Variants in TASP1 observed in about 807,000 individuals in gnomAD.
The protein encoded by TASP1 is threonine aspartase 1.
In TASP1, 16 loss-of-function variants were observed where a neutral mutation model predicts 56.6. That is an observed-to-expected ratio of 0.28 (90% CI 0.19 to 0.43). The LOEUF (loss-of-function observed/expected upper bound fraction) is 0.43, where lower values mean the gene tolerates loss of function less well. TASP1 is among the 20% of genes least tolerant of loss of function. TASP1 has a pLI of 1.00. For synonymous variants in TASP1, 179 were observed against 184.2 expected, an observed-to-expected ratio of 0.97 and a Z score of 0.23; for missense variants, 393 against 511.6, an observed-to-expected ratio of 0.77 and a Z score of 2.24.
chr20:13,544,560 C>G (rs1266232693), intron 8 of TASP1, among the ~76,000 whole-genome samples: 6 of 152,126 alleles, frequency 3.9e-5, no homozygotes, highest in Non-Finnish European at 7.4e-5. Flanking sequence ...TACTAACATA[C>G]CGACTAATAG....
At chr20:13,285,314 G>GAAA in the TASP1 span, among the ~76,000 whole-genome samples, 1 of 150,416 alleles carries the variant, frequency 6.6e-6, no homozygotes. Context: ...AAAAAGAAAG[G>GAAA]AAAAAAAAAG....
chr20:13,183,955 G>A, the TASP1 span, among the ~76,000 whole-genome samples: 1 of 151,616 alleles, frequency 6.6e-6, no homozygotes, highest in East Asian at 1.9e-4. Context: ...TGTGAACCCA[G>A]GAGGCAGAGC....
chr20:13,276,532 GC>G, the TASP1 span, among the ~76,000 whole-genome samples: 6 of 152,184 alleles, frequency 3.9e-5, no homozygotes, highest in African/African-American at 1.4e-4. Flanking sequence ...TGAACTTGAG[GC>G]TTTTGAAAGA....
At chr20:13,625,142 G>A (rs770418793) in intron 3 of TASP1, 43 bp downstream of exon 3, 5 of 1,401,904 alleles carry the variant, frequency 3.6e-6, no homozygotes, top group Non-Finnish European at 4.8e-6. Flanking sequence ...ACTGCTTTCT[G>A]TTCAAAACTG....
the TASP1 span, among the ~76,000 whole-genome samples, chr20:13,118,460 C>CAAAAA: frequency 7.8e-6 from 1 of 127,634 alleles, no homozygotes; most frequent in African/African-American, 3.1e-5. Context: ...AAAAAAAAAA[C>CAAAAA]AAAAAAAAAC....
chr20:13,204,931 A>G, the TASP1 span, among the ~76,000 whole-genome samples: 3 of 152,200 alleles, frequency 2.0e-5, no homozygotes, highest in African/African-American at 7.2e-5. Context: ...GCATGGAAGC[A>G]CTGAGTCCCC....
chr20:13,542,060 A>AG (rs921859326), intron 8 of TASP1, among the ~76,000 whole-genome samples: 11 of 151,968 alleles, frequency 7.2e-5, no homozygotes, highest in Non-Finnish European at 1.6e-4. Context: ...AAAAAAAAAA[A>AG]AACTTAAAAA....
At chr20:13,366,228 G>A in the TASP1 span, among the ~76,000 whole-genome samples, 481 of 152,260 alleles carry the variant, frequency 3.2e-3, 2 homozygotes, top group South Asian at 8.3e-3. Flanking sequence ...TTTGGGAGGC[G>A]TGATATTTGA....
chr20:13,600,697 C>A (rs946897286), intron 4 of TASP1: 1 of 151,718 alleles, frequency 6.6e-6, no homozygotes, highest in African/African-American at 2.4e-5. Flanking sequence ...ATATATTATA[C>A]AAGAAAAAAT....
chr20:13,396,734 C>A (rs2041553292), intron 13 of TASP1, among the ~76,000 whole-genome samples: 1 of 152,142 alleles, frequency 6.6e-6, no homozygotes, highest in African/African-American at 2.4e-5. Flanking sequence ...GAAAGGAATG[C>A]CATATGTTAT....
chr20:13,457,570 A>G (rs745654238), intron 11 of TASP1, among the ~76,000 whole-genome samples: 2 of 152,158 alleles, frequency 1.3e-5, no homozygotes, highest in African/African-American at 4.8e-5. Context: ...ACATATAGAT[A>G]AACTCACAAC....
chr20:13,600,474 A>T (rs1335365705), intron 4 of TASP1: 1 of 152,314 alleles, frequency 6.6e-6, no homozygotes. Context: ...AGGCAATTCA[A>T]TGGAGAAAGA....
intron 10 of TASP1, among the ~76,000 whole-genome samples, chr20:13,506,194 C>T (rs6134896): frequency 0.2 from 30,374 of 151,770 alleles, 3,285 homozygotes; most frequent in Middle Eastern, 0.28. Context: ...AACATTGAAT[C>T]ATGAAGAAAA....
chr20:13,332,802 C>T, the TASP1 span, among the ~76,000 whole-genome samples: 2 of 152,312 alleles, frequency 1.3e-5, no homozygotes, highest in African/African-American at 2.4e-5. Context: ...TCATTCAATG[C>T]CATTTTCTTC....
intron 11 of TASP1, among the ~76,000 whole-genome samples, chr20:13,458,695 C>G (rs970803309): frequency 6.6e-6 from 1 of 152,120 alleles, no homozygotes; most frequent in Non-Finnish European, 1.5e-5. Flanking sequence ...GAATCATTCA[C>G]TTTCTTGACC....
chr20:13,603,535 C>T (rs756914494), intron 4 of TASP1, among the ~76,000 whole-genome samples: 16 of 150,260 alleles, frequency 1.1e-4, no homozygotes, highest in Non-Finnish European at 2.2e-4. Context: ...CAACAAGATC[C>T]TGTCTCAAAA....
intron 6 of TASP1, among the ~76,000 whole-genome samples, chr20:13,578,999 G>A (rs975576037): frequency 2.0e-5 from 3 of 152,122 alleles, no homozygotes; most frequent in Non-Finnish European, 2.9e-5. Context: ...ATGGGATTAT[G>A]GTAGATTCGT....
At chr20:13,633,426 A>C (rs1249102088) in intron 1 of TASP1, among the ~76,000 whole-genome samples, 1 of 152,166 alleles carries the variant, frequency 6.6e-6, no homozygotes, top group African/African-American at 2.4e-5. Context: ...ATTATTTATA[A>C]AAAAATTTTT....
the TASP1 span, among the ~76,000 whole-genome samples, chr20:13,260,056 A>G: frequency 2.0e-5 from 3 of 152,348 alleles, no homozygotes; most frequent in Non-Finnish European, 2.9e-5. Context: ...AGAGCCCACA[A>G]TTGCATCAGC....
Sources: allele counts gnomAD v4.1 joint callset (sites outside exome capture counted in the v4.1 genomes callset), GRCh38; gene constraint gnomAD v4.1.1; transcripts MANE v1.5; gene names NCBI Gene and HGNC (gene_info 2026-07-23, HGNC 2026-07-21).